The following GARNL3 variants were observed in gnomAD, a reference collection of about 807,000 sequenced individuals.
The protein encoded by GARNL3 is GTPase activating Rap/RanGAP domain like 3.
GARNL3 carries 63 observed loss-of-function variants against 125.0 expected under a neutral mutation model. The observed-to-expected ratio is 0.50, with a 90% CI of 0.41 to 0.62. The LOEUF (loss-of-function observed/expected upper bound fraction) is 0.62, where lower values mean the gene tolerates loss of function less well. GARNL3 is among the 20% of genes least tolerant of loss of function. The pLI is 0.00. For missense variants in GARNL3, 994 were observed against 1,244.0 expected, an observed-to-expected ratio of 0.80 and a Z score of 3.02; for synonymous variants, 439 against 457.5, an observed-to-expected ratio of 0.96 and a Z score of 0.52.
chr9:127,247,311 A>G (rs2063321661), intron 2 of GARNL3, among the ~76,000 whole-genome samples: 1 of 152,116 alleles, frequency 6.6e-6, no homozygotes. Context: ...CAGAAACCCA[A>G]CTCAAATTAG....
chr9:127,310,508 G>A (rs577614840), intron 2 of GARNL3, among the ~76,000 whole-genome samples: 3 of 152,108 alleles, frequency 2.0e-5, no homozygotes, highest in East Asian at 1.9e-4. Flanking sequence ...CAGGCCAGGC[G>A]TAGTGGCTCA....
intron 3 of GARNL3, among the ~76,000 whole-genome samples, chr9:127,312,079 G>A (rs2065113209): frequency 6.6e-6 from 1 of 152,302 alleles, no homozygotes. Context: ...TCTATATTGG[G>A]TTTTGAATAC....
At chr9:127,331,734 T>TTTTTTTTTTTTTTTTC (rs1829264899) in intron 7 of GARNL3, among the ~76,000 whole-genome samples, 1 of 148,578 alleles carries the variant, frequency 6.7e-6, no homozygotes, top group Non-Finnish European at 1.5e-5. Flanking sequence ...TTTTTTTTTT[T>TTTTTTTTTTTTTTTTC]TCACATCTGT....
intron 17 of GARNL3, among the ~76,000 whole-genome samples, chr9:127,350,656 G>GTC (rs1181596898): frequency 6.6e-6 from 1 of 151,876 alleles, no homozygotes; most frequent in Non-Finnish European, 1.5e-5. Flanking sequence ...GATGCCTGTA[G>GTC]TCCCAGCTGC....
chr9:127,291,845 C>T (rs1005097329), intron 2 of GARNL3, among the ~76,000 whole-genome samples: 25 of 150,126 alleles, frequency 1.7e-4, no homozygotes, highest in Admixed American at 2.7e-4. Context: ...CCTTTTTACA[C>T]GGTAGCTCAT....
chr9:127,266,756 G>A lies in GARNL3; in HGVS notation c.144+1735G>A, dbSNP rs982755844. ...ATAAAGACAAAATTCAGTAGCAAAA[G>A]TAGAGCCTTGACTGTCAGGTGAACA... On this transcript the variant is annotated intron_variant, in intron 1 of 27. Transcript: ENST00000373387. The surrounding 1 kb of genome is among the most constrained non-coding windows in gnomAD (Gnocchi z 4.0). Among the ~76,000 whole-genome samples, 2 of 152,222 alleles carry A rather than the reference G, an allele frequency of 1.3e-5. No individual in the cohort carries two copies. Among genetic ancestry groups the A allele is most frequent in the Non-Finnish European group, 2.9e-5 (2 of 68,040 alleles).
intron 25 of GARNL3, 97 bp from the exon 26 acceptor site, chr9:127,388,807 T>A: frequency 1.3e-6 from 1 of 775,302 alleles, no homozygotes. Context: ...ACATAACGTC[T>A]TCCTTCATGC....
chr9:127,331,959 T>C (rs1301188592), intron 7 of GARNL3, among the ~76,000 whole-genome samples: 1 of 151,960 alleles, frequency 6.6e-6, no homozygotes, highest in Non-Finnish European at 1.5e-5. Context: ...GGCCTGTGAG[T>C]TCCTGTGGCC....
intron 4 of GARNL3, 117 bp downstream of exon 4, chr9:127,313,676 A>G (rs2065156392): frequency 6.6e-6 from 5 of 759,036 alleles, no homozygotes; most frequent in Non-Finnish European, 1.2e-5. Context: ...TCTTCTCGTG[A>G]TTCACCTCTG....
intron 2 of GARNL3, among the ~76,000 whole-genome samples, chr9:127,292,910 A>G (rs981033995): frequency 2.0e-5 from 3 of 152,232 alleles, no homozygotes; most frequent in Non-Finnish European, 4.4e-5. Context: ...TTCAGTTGAC[A>G]TCTTGGGAAC....
chr9:127,239,900 G>T (rs992921086), intron 1 of GARNL3, among the ~76,000 whole-genome samples: 14 of 152,140 alleles, frequency 9.2e-5, no homozygotes, highest in Non-Finnish European at 1.6e-4. Context: ...GTTTAAAAAG[G>T]CTAGCCTTTC....
intron 27 of GARNL3, among the ~76,000 whole-genome samples, chr9:127,391,541 T>TATATAA (rs1832859991): frequency 1.4e-5 from 1 of 70,382 alleles, no homozygotes; most frequent in Non-Finnish European, 3.7e-5. Flanking sequence ...AAAATATATA[T>TATATAA]ATATATATAT....
chr9:127,309,664 T>C (rs897289764), intron 2 of GARNL3, among the ~76,000 whole-genome samples: 1 of 152,252 alleles, frequency 6.6e-6, no homozygotes, highest in Admixed American at 6.5e-5. Flanking sequence ...GAAGAGCTAT[T>C]ACTATATTCA....
At chr9:127,376,486 G>A (rs995656202) in intron 22 of GARNL3, among the ~76,000 whole-genome samples, 1 of 152,174 alleles carries the variant, frequency 6.6e-6, no homozygotes, top group African/African-American at 2.4e-5. Context: ...CCAGAGTGCT[G>A]AGATTACAGG....
In GARNL3 at chr9:127,384,172, T is replaced by C. The variant is rs546387532; in HGVS notation, c.2269+627T>C. ...AGGCAGAGGGACCAACCTAAGATCC[T>C]GGGAGGACCAGTTAGACTTGATGAC... On this transcript the variant is annotated intron_variant, in intron 23 of 27. Coordinates refer to ENST00000373387, the MANE Select transcript of GARNL3 (RefSeq NM_032293.5). The surrounding 1 kb of genome is among the most constrained non-coding windows in gnomAD (Gnocchi z 4.0). Among the ~76,000 whole-genome samples, 1 of 152,326 alleles carries C rather than the reference T, an allele frequency of 6.6e-6. No homozygotes were observed. The highest frequency in any genetic ancestry group is 2.4e-5 in the African/African-American group (1 of 41,566).
chr9:127,270,684 G>T (rs975111064), intron 1 of GARNL3, among the ~76,000 whole-genome samples: 3 of 152,122 alleles, frequency 2.0e-5, no homozygotes, highest in Non-Finnish European at 2.9e-5. Context: ...CATCCTATTT[G>T]TTTTCTTAGC....
At position 127,364,720 on chromosome 9, in the gene GARNL3, G is replaced by C. The variant is rs1479904286; in HGVS notation, c.2095-580G>C. 6.6e-6 allele frequency: 1 copy of C among 152,406 alleles called. No homozygotes were observed. Among genetic ancestry groups the C allele is most frequent in the Non-Finnish European group, 1.5e-5 (1 of 68,248 alleles). The allele number at this position is 152,406 out of a possible 1,614,324, so 9.4% of individuals were successfully genotyped here. ...GAATAAAGTGTGAAGACATGCCGTG[G>C]CGATTTTAAGGTGCACAGACTTTAT... On this transcript the variant is annotated intron_variant, in intron 21 of 27. Transcript: ENST00000373387. This position sits in a 1 kb window ranked among gnomAD's most constrained non-coding sequence, Gnocchi z 4.2.
In GARNL3 at chr9:127,383,294, A is replaced by G. The variant is rs565978732; in HGVS notation, c.2162-144A>G. 3.1e-5 allele frequency: 17 copies of G among 542,162 alleles called. No homozygotes were observed. In the South Asian group the frequency reaches 3.4e-4, roughly 11 times the overall value. 33.6% of individuals were successfully genotyped at this position (542,162 alleles called of 1,614,324 possible). A position where few individuals can be genotyped will look rare whatever the true frequency, so the allele number is the denominator to read the frequency against. ...AGAATGCCTTTGACCCTAAGTATCC[A>G]GCATCATGGCGGTATTCATACTGGC... On this transcript the variant is annotated intron_variant, in intron 22 of 27. Coordinates refer to ENST00000373387, the MANE Select transcript of GARNL3 (RefSeq NM_032293.5).
intron 7 of GARNL3, among the ~76,000 whole-genome samples, chr9:127,331,005 T>C (rs111674499): frequency 6.6e-6 from 1 of 152,206 alleles, no homozygotes; most frequent in Non-Finnish European, 1.5e-5. Context: ...CTCTGACCCA[T>C]TGGCCAGTGT....
Sources: allele counts gnomAD v4.1 joint callset (sites outside exome capture counted in the v4.1 genomes callset), GRCh38; gene constraint gnomAD v4.1.1; non-coding constraint Gnocchi (gnomAD v3.1); transcripts MANE v1.5; gene names NCBI Gene and HGNC (gene_info 2026-07-23, HGNC 2026-07-21).